The following UACA variants were observed in gnomAD, a reference collection of about 807,000 sequenced individuals.
The protein encoded by UACA is nuclear membrane binding protein.
Under a neutral mutation model 160.5 loss-of-function variants are expected in UACA, and 112 were observed. That is an observed-to-expected ratio of 0.70 (90% CI 0.60 to 0.82). The LOEUF (loss-of-function observed/expected upper bound fraction) is 0.82, where lower values mean the gene tolerates loss of function less well. Among genes scored for constraint, UACA ranks in the 40% least tolerant of loss-of-function variants. The probability of loss-of-function intolerance (pLI) is 0.00; values close to 1 mark genes in which losing one functional copy is unlikely to be tolerated. For synonymous variants in UACA, 557 were observed against 568.4 expected, an observed-to-expected ratio of 0.98 and a Z score of 0.29; for missense variants, 1,574 against 1,614.6, an observed-to-expected ratio of 0.97 and a Z score of 0.43.
At chr15:70,706,274 C>T (rs1898521096) in intron 1 of UACA, among the ~76,000 whole-genome samples, 1 of 151,926 alleles carries the variant, frequency 6.6e-6, no homozygotes, top group East Asian at 1.9e-4. Context: ...AAGGAAACTG[C>T]CTCAACACAA....
At chr15:70,660,038 C>A in intron 18 of UACA, 113 bp downstream of exon 18, 1 of 786,946 alleles carries the variant, frequency 1.3e-6, no homozygotes, top group African/African-American at 1.8e-5. Flanking sequence ...TTTAAATAAG[C>A]ATAGGGGGTG....
rs1361173843 is a variant in UACA, at chr15:70,676,581, A to G, written c.1043T>C (p.Leu348Pro). Residue 348 changes from leucine (L) to proline (P), a missense_variant, in exon 13 of 19, where the codon CTG (leucine) becomes CCG (proline). By Grantham distance (98) the Leu-to-Pro change is moderately conservative. Transcript: ENST00000322954. Reference sequence around the variant, plus strand: ...TTCTTTAGCTGCCAAAAGGGACTTCAGCTTTTCTCTCTGAAATGAAACAGA... The same window carrying G: ...TTCTTTAGCTGCCAAAAGGGACTTCGGCTTTTCTCTCTGAAATGAAACAGA... ...ADDLESEREKLKSLLAAKEKQ... is the reference protein window; with the variant it reads ...ADDLESEREKPKSLLAAKEKQ... 1 of 1,612,046 alleles carries G rather than the reference A, an allele frequency of 6.2e-7. No homozygotes were observed. The highest frequency in any genetic ancestry group is 2.2e-5 in the East Asian group (1 of 44,768).
chr15:70,762,198 T>G (rs1213107523), intron 1 of UACA, among the ~76,000 whole-genome samples: 1 of 152,012 alleles, frequency 6.6e-6, no homozygotes, highest in Non-Finnish European at 1.5e-5. Context: ...CCTCCACAAT[T>G]TCCTTTATGT....
At position 70,749,698 on chromosome 15, in the gene UACA, C is replaced by CAAAAAAAAAAAAAAAAAAA. The variant is rs11292883; in HGVS notation, c.78+13613_78+13631dup. ...TGGGCGACAGAGGAAGACTCCGTCT[C>CAAAAAAAAAAAAAAAAAAA]AAAAAAAAAAAAAAAAAAAAAAAGT... On this transcript the variant is annotated intron_variant, in intron 1 of 18. Coordinates refer to ENST00000322954, the MANE Select transcript of UACA (RefSeq NM_018003.4). Among the ~76,000 whole-genome samples, 65 of 70,034 alleles carry CAAAAAAAAAAAAAAAAAAA rather than the reference C, an allele frequency of 9.3e-4. 1 individual carries two copies. Among genetic ancestry groups the CAAAAAAAAAAAAAAAAAAA allele is most frequent in the African/African-American group, 3.4e-3 (64 of 19,076 alleles). 45.9% of individuals were successfully genotyped at this position (70,034 alleles called of 152,430 possible).
At chr15:70,702,297 G>A in intron 1 of UACA, 1 of 1,013,212 alleles carries the variant, frequency 9.9e-7, no homozygotes, top group Non-Finnish European at 1.2e-6. Context: ...CACAGACGCT[G>A]CAGTGCATGA....
At chr15:70,777,214 G>C in the UACA span, among the ~76,000 whole-genome samples, 1 of 152,178 alleles carries the variant, frequency 6.6e-6, no homozygotes, top group African/African-American at 2.4e-5. Flanking sequence ...ACTGAGATGG[G>C]GAAGGCTGTG....
chr15:70,771,945 G>A, the UACA span, among the ~76,000 whole-genome samples: 1 of 152,184 alleles, frequency 6.6e-6, no homozygotes, highest in Non-Finnish European at 1.5e-5. Context: ...ACAGGCTGGG[G>A]CCAGCACAAA....
At chr15:70,669,590 G>A in intron 15 of UACA, 128 bp from the exon 16 acceptor site, 1 of 688,236 alleles carries the variant, frequency 1.5e-6, no homozygotes, top group South Asian at 2.5e-5. Flanking sequence ...TAGGCAGTAA[G>A]ATGGAAAAAA....
In UACA at chr15:70,665,453, A is replaced by C. The variant is rs142608817; in HGVS notation, c.3961-639T>G. Among the ~76,000 whole-genome samples, 648 of 152,274 alleles carry C rather than the reference A, an allele frequency of 4.3e-3. 6 individuals are homozygous for C. The highest frequency in any genetic ancestry group is 0.024 in the Middle Eastern group (7 of 294). On this transcript the variant is annotated intron_variant, in intron 16 of 18. Transcript: ENST00000322954. ...GGTGGACAATCTTTCAGAGTTAAGA[A>C]AATCAGGTTGGGCACAGTGGCTCAC...
chr15:70,694,302 T>TGTACAAACTTCTTTGAG (rs2140956546), intron 3 of UACA, among the ~76,000 whole-genome samples: 1 of 152,282 alleles, frequency 6.6e-6, no homozygotes, highest in African/African-American at 2.4e-5. Context: ...ACTTCTTTGA[T>TGTACAAACTTCTTTGAG]GTACAAACCT....
Position 70,763,470 on chromosome 15 carries a change from G to GT in UACA, c.-64dup. On this transcript the variant is annotated 5_prime_UTR_variant, in exon 1 of 19. Coordinates refer to ENST00000322954, the MANE Select transcript of UACA (RefSeq NM_018003.4). The stretch of plus-strand genomic sequence containing the variant: ...GCTGCGGAGTGCCAGCGCGCAAGGA[G>GT]TAGACGGCAGCGGCTGCAGCAGAGG... 1 of 1,266,662 alleles carries GT rather than the reference G, an allele frequency of 7.9e-7. No homozygotes were observed. Among genetic ancestry groups the GT allele is most frequent in the Non-Finnish European group, 1.0e-6 (1 of 997,904 alleles). 78.5% of individuals were successfully genotyped at this position (1,266,662 alleles called of 1,614,324 possible). A position where few individuals can be genotyped will look rare whatever the true frequency, so the allele number is the denominator to read the frequency against.
chr15:70,659,445 A>G (rs1896622348), intron 18 of UACA, among the ~76,000 whole-genome samples: 1 of 99,876 alleles, frequency 1.0e-5, no homozygotes, highest in African/African-American at 3.8e-5. Context: ...AGTGTGGCCT[A>G]ACATACTTCA....
intron 1 of UACA, among the ~76,000 whole-genome samples, chr15:70,723,758 G>A (rs969864041): frequency 7.3e-5 from 11 of 151,354 alleles, no homozygotes; most frequent in Admixed American, 1.3e-4. Flanking sequence ...TCAGCCTCCC[G>A]GGTAGCTGGG....
upstream of UACA, among the ~76,000 whole-genome samples, chr15:70,764,602 T>C (rs2030958004): frequency 6.6e-6 from 1 of 152,242 alleles, no homozygotes; most frequent in Admixed American, 6.5e-5. Flanking sequence ...TTGCTCTCTT[T>C]AGAGTTTCTT....
rs777911577 is a variant in UACA at position 70,667,328 on chromosome 15, G to A, written c.3356C>T (p.Ala1119Val). The A allele has an allele frequency of 1.2e-6, 2 of 1,612,618 alleles. No individual in the cohort carries two copies. Among genetic ancestry groups the A allele is most frequent in the Non-Finnish European group, 1.7e-6 (2 of 1,179,728 alleles). The change falls in exon 16 of 19, where the codon GCT (alanine) becomes GTT (valine). Residue 1119 changes from alanine to valine, a missense_variant. Physicochemically the swap from Ala to Val is moderately conservative, Grantham distance 64 (BLOSUM62 0). Transcript: ENST00000322954. Reference sequence around the variant, plus strand: ...TGTGCCATTAAGAGATTTTTTCAGAGCCTCAACCTGTTCCAATGGAACATG... The same window carrying A: ...TGTGCCATTAAGAGATTTTTTCAGAACCTCAACCTGTTCCAATGGAACATG... ...KQHVPLEQVEALKKSLNGTIE... is the reference protein window; with the variant it reads ...KQHVPLEQVEVLKKSLNGTIE...
intron 1 of UACA, among the ~76,000 whole-genome samples, chr15:70,751,893 T>C (rs780995263): frequency 6.6e-6 from 1 of 150,936 alleles, no homozygotes; most frequent in Non-Finnish European, 1.5e-5. Context: ...TGTTAATTTT[T>C]AAAAAAAAAC....
chr15:70,671,111 T>C lies in UACA; in HGVS notation c.1169-20A>G. 6 of 1,556,424 alleles carry C rather than the reference T, an allele frequency of 3.9e-6. No individual in the cohort carries two copies. The South Asian group carries it at 6.9e-5, about 18-fold the overall frequency. ...CTTTTCCTAAATAAATGCAAATGAA[T>C]GACATTTTAACTTCAATATCCATAC... On this transcript the variant is annotated intron_variant, in intron 14 of 18. Coordinates refer to ENST00000322954, the MANE Select transcript of UACA (RefSeq NM_018003.4).
chr15:70,689,871 A>G (rs1595890325), intron 5 of UACA, among the ~76,000 whole-genome samples: 1 of 152,194 alleles, frequency 6.6e-6, no homozygotes, highest in East Asian at 1.9e-4. Context: ...CTTTTAAAAT[A>G]TAGCACATTA....
intron 1 of UACA, among the ~76,000 whole-genome samples, chr15:70,759,587 G>A (rs919334139): frequency 5.3e-5 from 8 of 152,130 alleles, no homozygotes; most frequent in Admixed American, 4.6e-4. Context: ...CCTGGGAGGC[G>A]GAGGTTGCAG....
Sources: allele counts gnomAD v4.1 joint callset (sites outside exome capture counted in the v4.1 genomes callset), GRCh38; gene constraint gnomAD v4.1.1; transcripts MANE v1.5; gene names NCBI Gene and HGNC (gene_info 2026-07-23, HGNC 2026-07-21).